The following ZNF705G variants were observed in gnomAD, a reference collection of about 807,000 sequenced individuals.
The protein encoded by ZNF705G is zinc finger protein 705G.
In ZNF705G, 23 loss-of-function variants were observed where a neutral mutation model predicts 19.6. That is an observed-to-expected ratio of 1.17 (90% confidence interval 0.84 to 1.66). ZNF705G has a LOEUF of 1.66. ZNF705G is among the 40% of genes most tolerant of loss of function. The pLI, the probability that ZNF705G is intolerant of heterozygous loss-of-function variation, is 0.00. For missense variants in ZNF705G, 457 were observed against 354.4 expected (o/e 1.29, Z -2.32); for synonymous variants, 146 against 117.7 (o/e 1.24, Z -1.56).
chr8:7,368,808 G>A (rs1032753672), intron 2 of ZNF705G, among the ~76,000 whole-genome samples: 1 of 149,552 alleles, frequency 6.7e-6, no homozygotes, highest in Non-Finnish European at 1.5e-5. Flanking sequence ...TCCAGCTCCA[G>A]CCATGGCTAA....
rs1481479265 is a variant in ZNF705G, at chr8:7,367,343, C to T, written c.-71-4326G>A. On this transcript the variant is annotated intron_variant, in intron 2 of 6. Transcript: ENST00000400156. Reference sequence around the variant, plus strand: ...TAATTAGGCAGCACCAGAGAGAGGCCGTTTCCTGATGGTCTACACCTGTTA... The same window carrying T: ...TAATTAGGCAGCACCAGAGAGAGGCTGTTTCCTGATGGTCTACACCTGTTA... Among the ~76,000 whole-genome samples, 4 of 149,228 alleles carry T rather than the reference C, an allele frequency of 2.7e-5. 1 individual carries two copies. Among genetic ancestry groups the T allele is most frequent in the Admixed American group, 6.6e-5 (1 of 15,232 alleles).
intron 2 of ZNF705G, among the ~76,000 whole-genome samples, chr8:7,369,806 T>C (rs577482827): frequency 2.0e-5 from 3 of 149,394 alleles, no homozygotes; most frequent in East Asian, 3.9e-4. Flanking sequence ...AAATACCATA[T>C]GTTCTTAGTT....
At chr8:7,360,190 T>A (rs1326093555) in intron 5 of ZNF705G, 47 bp downstream of exon 5, 2 of 1,580,082 alleles carry the variant, frequency 1.3e-6, no homozygotes, top group Admixed American at 3.3e-5. Context: ...ATATTATTCA[T>A]TGACAAAGCA....
intron 2 of ZNF705G, among the ~76,000 whole-genome samples, chr8:7,367,626 G>T (rs1188109522): frequency 6.7e-6 from 1 of 149,608 alleles, no homozygotes; most frequent in Non-Finnish European, 1.5e-5. Context: ...CCCAACGCAG[G>T]ATCAAGGTTA....
Position 7,359,506 on chromosome 8 carries a change from G to T in ZNF705G, c.318+113C>A, listed in dbSNP as rs1259680199. 1.3e-5 allele frequency: 20 copies of T among 1,528,138 alleles called. 1 individual carries two copies. The African/African-American group carries it at 1.6e-4, about 12-fold the overall frequency. The allele number at this position is 1,528,138 out of a possible 1,614,324, so 94.7% of individuals were successfully genotyped here. A position where few individuals can be genotyped will look rare whatever the true frequency, so the allele number is the denominator to read the frequency against. Reference sequence around the variant, plus strand: ...GTATCCAATTTTTTTTTTTTGCTTAGAAAACACTTAATGCCAGCTTAATTA... The same window carrying T: ...GTATCCAATTTTTTTTTTTTGCTTATAAAACACTTAATGCCAGCTTAATTA... On this transcript the variant is annotated intron_variant, in intron 6 of 6. Transcript: ENST00000400156.
At chr8:7,368,239 C>T (rs71254994) in intron 2 of ZNF705G, among the ~76,000 whole-genome samples, 4,049 of 149,070 alleles carry the variant, frequency 0.027, 113 homozygotes, top group Middle Eastern at 0.087. Flanking sequence ...TACTAAAAAC[C>T]CTCACATAAA....
chr8:7,376,856 T>C (rs1168846941), intron 2 of ZNF705G, among the ~76,000 whole-genome samples: 1 of 144,980 alleles, frequency 6.9e-6, no homozygotes, highest in South Asian at 2.1e-4. Context: ...AAGATACATC[T>C]ATTATAATCT....
At chr8:7,366,860 A>AT (rs1485708121) in intron 2 of ZNF705G, among the ~76,000 whole-genome samples, 1 of 149,670 alleles carries the variant, frequency 6.7e-6, no homozygotes, top group Non-Finnish European at 1.5e-5. Context: ...GAAATTCTCT[A>AT]TATCTGCATT....
chr8:7,381,041 A>T (rs1172233036), intron 2 of ZNF705G, among the ~76,000 whole-genome samples: 1 of 137,274 alleles, frequency 7.3e-6, no homozygotes, highest in Non-Finnish European at 1.5e-5. Context: ...AAAAAAAAAA[A>T]AAAAAAAAAA....
rs995226946 is a variant in ZNF705G, at chr8:7,358,308, T to A, written c.571A>T (p.Lys191Ter). The A allele has an allele frequency of 3.1e-6, 5 of 1,607,774 alleles. 1 individual carries two copies. The African/African-American group carries it at 7.0e-5, about 23-fold the overall frequency. ...GGCCTCTCTCCAGTGTGAGTCATCT[T>A]GTGCCGTCTAAGGTGAAAGCAATTA... Reference protein sequence around the residue: ...YTNCFHLRRHKMTHTGERPYA... With the variant: ...YTNCFHLRRH The change falls in exon 7 of 7, where the codon AAG (lysine) becomes TAG (stop). Residue 191 changes from lysine to a stop codon, truncating the protein, a stop_gained. Coordinates refer to ENST00000400156, the MANE Select transcript of ZNF705G (RefSeq NM_001164457.3). LOFTEE classifies it high-confidence loss of function.
At chr8:7,366,474 T>A (rs569048769) in intron 2 of ZNF705G, among the ~76,000 whole-genome samples, 8 of 149,500 alleles carry the variant, frequency 5.4e-5, no homozygotes, top group East Asian at 3.9e-4. Context: ...AAAATAAAAT[T>A]AAATTAAAAT....
chr8:7,370,477 C>T (rs1276299423), intron 2 of ZNF705G, among the ~76,000 whole-genome samples: 8 of 149,142 alleles, frequency 5.4e-5, no homozygotes, highest in Non-Finnish European at 1.0e-4. Context: ...AAAAGATAAC[C>T]CTTGTATACT....
rs1407015227 is a variant in ZNF705G, at chr8:7,356,012, G to C, written c.*1964C>G. The C allele has an allele frequency of 6.7e-6, 1 of 149,534 alleles. No homozygotes were observed. Among genetic ancestry groups the C allele is most frequent in the African/African-American group, 2.6e-5 (1 of 38,910 alleles). 9.3% of individuals were successfully genotyped at this position (149,534 alleles called of 1,614,324 possible). ...GCCTTAGTAAGGCCGATCGTATTAA[G>C]ATTGTGCCTGTTTGGCAAAATTTCA... On this transcript the variant is annotated 3_prime_UTR_variant, in exon 7 of 7. Coordinates refer to ENST00000400156, the MANE Select transcript of ZNF705G (RefSeq NM_001164457.3).
intron 2 of ZNF705G, among the ~76,000 whole-genome samples, chr8:7,379,115 G>A (rs1351542432): frequency 1.3e-5 from 2 of 150,230 alleles, no homozygotes; most frequent in East Asian, 3.8e-4. Context: ...ATAGAATCAA[G>A]ATATTTAAAA....
At chr8:7,368,627 A>T (rs1186421785) in intron 2 of ZNF705G, among the ~76,000 whole-genome samples, 1 of 149,946 alleles carries the variant, frequency 6.7e-6, no homozygotes, top group Non-Finnish European at 1.5e-5. Flanking sequence ...AAAGGAAAGC[A>T]GATGCTAATA....
At chr8:7,383,024 C>G (rs1365383120) in intron 1 of ZNF705G, among the ~76,000 whole-genome samples, 1 of 148,160 alleles carries the variant, frequency 6.7e-6, no homozygotes, top group Admixed American at 6.6e-5. Flanking sequence ...TAAATGAGAG[C>G]ACTTGGTTTT....
rs185396088 is a variant in ZNF705G at position 7,379,326 on chromosome 8, A to G, written c.-72+2126T>C. The stretch of plus-strand genomic sequence containing the variant: ...GTGCACTCTTGAAACTGCATCACCA[A>G]CTGTCCCTTTAATATATTTTTGCAC... On this transcript the variant is annotated intron_variant, in intron 2 of 6. Coordinates refer to ENST00000400156, the MANE Select transcript of ZNF705G (RefSeq NM_001164457.3). Among the ~76,000 whole-genome samples the G allele has an allele frequency of 3.9e-3, 577 of 147,376 alleles. 2 individuals carry two copies. Among genetic ancestry groups the G allele is most frequent in the Non-Finnish European group, 5.8e-3 (396 of 67,900 alleles).
At chr8:7,364,611 C>G (rs1404508393) in intron 2 of ZNF705G, among the ~76,000 whole-genome samples, 4 of 149,640 alleles carry the variant, frequency 2.7e-5, no homozygotes, top group African/African-American at 1.0e-4. Flanking sequence ...CCCTAACCAA[C>G]GTTCTCTATG....
intron 2 of ZNF705G, among the ~76,000 whole-genome samples, chr8:7,371,190 G>C (rs1476296143): frequency 7.7e-5 from 10 of 129,548 alleles, no homozygotes; most frequent in African/African-American, 2.4e-4. Flanking sequence ...GAGGGCATTA[G>C]GTTATATGAA....
Sources: allele counts gnomAD v4.1 joint callset (sites outside exome capture counted in the v4.1 genomes callset), GRCh38; gene constraint gnomAD v4.1.1; transcripts MANE v1.5; gene names NCBI Gene and HGNC (gene_info 2026-07-23, HGNC 2026-07-21).